TBL3: variants seen among roughly 807,000 people sequenced by gnomAD.
TBL3 encodes the protein transducin beta-like protein 3.
In TBL3, 71 loss-of-function variants were observed where a neutral mutation model predicts 102.7. That is an observed-to-expected ratio of 0.69 (90% CI 0.57 to 0.84). The LOEUF (loss-of-function observed/expected upper bound fraction) is 0.84, where lower values mean the gene tolerates loss of function less well. Ranked by LOEUF, TBL3 falls within the 40% of genes least tolerant of loss-of-function variation. The probability of loss-of-function intolerance (pLI) is 0.00; values close to 1 mark genes in which losing one functional copy is unlikely to be tolerated. For missense variants in TBL3, 1,188 were observed against 1,098.5 expected (o/e 1.08, Z -1.15); for synonymous variants, 578 against 477.7 (o/e 1.21, Z -2.74).
In TBL3 at chr16:1,975,140, G is replaced by C. The variant is rs760470763; in HGVS notation, c.635+42G>C. ...GGTAGGAGGGGGAGGCTTGGAAAGT[G>C]GGGGCTGAGGCTAAGACTTGACCTG... On this transcript the variant is annotated intron_variant, in intron 7 of 21. Transcript: ENST00000568546. 5.6e-6 allele frequency: 9 copies of C among 1,613,392 alleles called. No individual in the cohort carries two copies. The East Asian group carries it at 1.3e-4, about 24-fold the overall frequency.
rs570040455 is a variant in TBL3, at chr16:1,980,429, C to T, written c.*1744C>T. On this transcript the variant is annotated 3_prime_UTR_variant, in exon 22 of 22. Transcript: ENST00000568546. ...GCGGTGCGAAGAAGCCAGTGATCGT[C>T]GGGCTCCGTGCCACGCGCTCTGCAG... The T allele has an allele frequency of 7.5e-6, 12 of 1,602,570 alleles. No individual in the cohort carries two copies. The highest frequency in any genetic ancestry group is 1.7e-4 in the Middle Eastern group (1 of 5,980).
At position 1,976,851 on chromosome 16, in the gene TBL3, T is replaced by C. The variant is rs2083405958; in HGVS notation, c.1330T>C (p.Cys444Arg). 6.2e-7 allele frequency: 1 copy of C among 1,613,828 alleles called. No individual in the cohort carries two copies. Reference protein sequence around the residue: ...ESFLVTGSQDCTVKLWPLPKA... With the variant: ...ESFLVTGSQDRTVKLWPLPKA... ...CTTCCTGGTGACAGGCAGCCAGGAC[T>C]GCACTGTGAAGCTGTGGCCTCTTCC... is the stretch of plus-strand genomic sequence containing the variant. Residue 444 changes from cysteine (C) to arginine (R), a missense_variant, in exon 14 of 22, where the codon TGC (cysteine) becomes CGC (arginine). By Grantham distance (180) the Cys-to-Arg change is radical. Transcript: ENST00000568546.
rs2083402737 is a variant in TBL3, at chr16:1,976,450, C to A, written c.1292+136C>A. On this transcript the variant is annotated intron_variant, in intron 13 of 21. Transcript: ENST00000568546. ...GAGGCTCCAGCCCAAAGATGTGGAA[C>A]AGAACAGGACAGGAGAGTCCCTAGG... 4.0e-6 allele frequency: 3 copies of A among 749,382 alleles called. No homozygotes were observed. In the Admixed American group the frequency reaches 6.8e-5, roughly 17 times the overall value. 46.4% of individuals were successfully genotyped at this position (749,382 alleles called of 1,614,324 possible). A position where few individuals can be genotyped will look rare whatever the true frequency, so the allele number is the denominator to read the frequency against.
chr16:1,975,707 A>T lies in TBL3; in HGVS notation c.984A>T (p.Lys328Asn). 4 of 1,612,200 alleles carry T rather than the reference A, an allele frequency of 2.5e-6. No individual in the cohort carries two copies. The highest frequency in any genetic ancestry group is 2.5e-6 in the Non-Finnish European group (3 of 1,179,432). Reference sequence around the variant, plus strand: ...AGGCTCGCTCCCTGCGGCTGCAGAAACAGGTGCACACCTGCCCTTGCTCAG... The same window carrying T: ...AGGCTCGCTCCCTGCGGCTGCAGAATCAGGTGCACACCTGCCCTTGCTCAG... ...LYEARSLRLQ[K>N]QFAGYSEEVL... Residue 328 changes from lysine (K) to asparagine (N), a missense_variant, in exon 10 of 22, where the codon AAA (lysine) becomes AAT (asparagine). By Grantham distance (94) the Lys-to-Asn change is moderately conservative (BLOSUM62 0). Coordinates refer to ENST00000568546, the MANE Select transcript of TBL3 (RefSeq NM_006453.3).
Position 1,974,388 on chromosome 16 carries a change from G to T in TBL3, c.202G>T (p.Asp68Tyr), listed in dbSNP as rs184454078. The T allele has an allele frequency of 3.3e-4, 536 of 1,610,794 alleles. 4 individuals carry two copies. The East Asian group carries it at 9.5e-3, about 29-fold the overall frequency. ...CTCTTTCTCCTAGGAGGACCAGGAG[G>T]ACATCACTGCCTTTGACCTCAGCCC... ...LRSLEQEDQE[D>Y]ITAFDLSPDN... The change falls in exon 4 of 22, where the codon GAC (aspartate) becomes TAC (tyrosine). Residue 68 changes from aspartate to tyrosine, a missense_variant. Physicochemically the swap from Asp to Tyr is radical, Grantham distance 160. Transcript: ENST00000568546.
In TBL3 at chr16:1,972,315, G is replaced by C. The variant is rs115260840; in HGVS notation, c.41+110G>C. The C allele has an allele frequency of 2.9e-5, 34 of 1,169,214 alleles. No individual in the cohort carries two copies. In the East Asian group the frequency reaches 9.6e-4, roughly 33 times the overall value. 72.4% of individuals were successfully genotyped at this position (1,169,214 alleles called of 1,614,324 possible). A position where few individuals can be genotyped will look rare whatever the true frequency, so the allele number is the denominator to read the frequency against. ...TTGGGGTCCGTGGAGGCGAGAGGCT[G>C]TGTGTGCGCCGGCCCGCGGGGTCGC... On this transcript the variant is annotated intron_variant, in intron 1 of 21. Coordinates refer to ENST00000568546, the MANE Select transcript of TBL3 (RefSeq NM_006453.3).
rs1441649771 is a variant in TBL3, at chr16:1,981,540, G to A, written c.*2855G>A. 2 of 323,992 alleles carry A rather than the reference G, an allele frequency of 6.2e-6. No homozygotes were observed. The highest frequency in any genetic ancestry group is 4.2e-5 in the African/African-American group (2 of 47,684). The allele number at this position is 323,992 out of a possible 1,614,324, so 20.1% of individuals were successfully genotyped here. A position where few individuals can be genotyped will look rare whatever the true frequency, so the allele number is the denominator to read the frequency against. On this transcript the variant is annotated 3_prime_UTR_variant, in exon 22 of 22. Coordinates refer to ENST00000568546, the MANE Select transcript of TBL3 (RefSeq NM_006453.3). ...TGCCTGCCTCTGGCCACAGGAGGAG[G>A]GAGGAGAAGGCAGGGCTAATCAAAG...
intron 7 of TBL3, 40 bp downstream of exon 7, chr16:1,975,138 G>T: frequency 6.2e-7 from 1 of 1,613,396 alleles, no homozygotes. Flanking sequence ...GGCTTGGAAA[G>T]TGGGGGCTGA....
chr16:1,973,353 C>T (rs934033001), intron 1 of TBL3, among the ~76,000 whole-genome samples: 1 of 152,148 alleles, frequency 6.6e-6, no homozygotes, highest in African/African-American at 2.4e-5. Context: ...TGGCGTGAAC[C>T]CGGGAGGTGG....
Position 1,974,783 on chromosome 16 carries a change from C to A in TBL3, c.400C>A (p.Arg134Ser). The change falls in exon 6 of 22, where the codon CGC becomes AGC. Residue 134 changes from arginine (R) to serine (S), a missense_variant. By Grantham distance (110) the Arg-to-Ser change is moderately radical. Coordinates refer to ENST00000568546, the MANE Select transcript of TBL3 (RefSeq NM_006453.3). ...LATGGCDGAVRVWDIVRHYGT... is the reference protein window; with the variant it reads ...LATGGCDGAVSVWDIVRHYGT... Reference sequence around the variant, plus strand: ...CGCAGGTGGCTGTGATGGGGCCGTGCGCGTCTGGGACATCGTGCGGCACTA... The same window carrying A: ...CGCAGGTGGCTGTGATGGGGCCGTGAGCGTCTGGGACATCGTGCGGCACTA... The A allele has an allele frequency of 6.2e-7, 1 of 1,612,972 alleles. No homozygotes were observed. Among genetic ancestry groups the A allele is most frequent in the East Asian group, 2.2e-5 (1 of 44,880 alleles).
In TBL3 at chr16:1,980,500, C is replaced by T; in HGVS notation, c.*1815C>T. ...TAGGTTTCCAACAGCTGCAGGCGCG[C>T]CAGGCCGCGGCTCGTGCGCCCCACG... On this transcript the variant is annotated 3_prime_UTR_variant, in exon 22 of 22. Transcript: ENST00000568546. 1 of 1,603,138 alleles carries T rather than the reference C, an allele frequency of 6.2e-7. No individual in the cohort carries two copies. The highest frequency in any genetic ancestry group is 2.2e-5 in the East Asian group (1 of 44,852).
At position 1,979,760 on chromosome 16, in the gene TBL3, G is replaced by A; in HGVS notation, c.*1075G>A. ...CTTGCCACACGGTCAAGCCGCAGTG[G>A]TGGCGTGAGGGGTGGGGTTAGGCGC... On this transcript the variant is annotated 3_prime_UTR_variant, in exon 22 of 22. Coordinates refer to ENST00000568546, the MANE Select transcript of TBL3 (RefSeq NM_006453.3). The A allele has an allele frequency of 6.9e-7, 1 of 1,459,838 alleles. No individual in the cohort carries two copies. Among genetic ancestry groups the A allele is most frequent in the Non-Finnish European group, 9.2e-7 (1 of 1,087,646 alleles). The allele number at this position is 1,459,838 out of a possible 1,614,324, so 90.4% of individuals were successfully genotyped here. A position where few individuals can be genotyped will look rare whatever the true frequency, so the allele number is the denominator to read the frequency against.
intron 13 of TBL3, 29 bp from the exon 14 acceptor site, chr16:1,976,785 G>A (rs2083405577): frequency 1.9e-6 from 3 of 1,611,008 alleles, no homozygotes; most frequent in African/African-American, 1.3e-5. Flanking sequence ...GGGCTCAGCT[G>A]TGTCTCCTCC....
intron 18 of TBL3, 62 bp from the exon 19 acceptor site, chr16:1,977,896 C>T (rs980056284): frequency 7.5e-6 from 12 of 1,594,506 alleles, no homozygotes; most frequent in South Asian, 4.5e-5. Flanking sequence ...CTGCTGACTC[C>T]GATGGCTCTG....
chr16:1,974,874 C>T (rs762190372), intron 6 of TBL3, 27 bp downstream of exon 6: 9 of 1,612,740 alleles, frequency 5.6e-6, no homozygotes, highest in African/African-American at 1.3e-5. Flanking sequence ...AGGGGGAGGG[C>T]AGAGGCACCA....
rs1294807615 is a variant in TBL3 at position 1,975,879 on chromosome 16, C to T, written c.1059C>T (p.Ala353=). Residue 353 remains alanine, a synonymous_variant, in exon 11 of 22, where the codon GCC becomes GCT. Transcript: ENST00000568546. ...CCGAGGACTCCCACGTTGTCGTGGC[C>T]TCCAATAGCCCCTGCCTAAAAGTGT... The part of the protein sequence containing the change: ...LGPEDSHVVV[A]SNSPCLKVFE... The T allele has an allele frequency of 6.2e-7, 1 of 1,614,024 alleles. No individual in the cohort carries two copies. The highest frequency in any genetic ancestry group is 1.3e-5 in the African/African-American group (1 of 74,946).
Position 1,981,472 on chromosome 16 carries a change from A to T in TBL3, c.*2787A>T, listed in dbSNP as rs2083509336. The stretch of plus-strand genomic sequence containing the variant: ...CAGCCCTGGAGGCGTGCAAGACTGA[A>T]GAAGGGGCGAAGGGTAGGCGGGACT... On this transcript the variant is annotated 3_prime_UTR_variant, in exon 22 of 22. Coordinates refer to ENST00000568546, the MANE Select transcript of TBL3 (RefSeq NM_006453.3). 1.7e-6 allele frequency: 1 copy of T among 580,088 alleles called. No homozygotes were observed. The highest frequency in any genetic ancestry group is 3.5e-5 in the Admixed American group (1 of 28,762). 35.9% of individuals were successfully genotyped at this position (580,088 alleles called of 1,614,324 possible). A position where few individuals can be genotyped will look rare whatever the true frequency, so the allele number is the denominator to read the frequency against.
Position 1,978,821 on chromosome 16 carries a change from G to T in TBL3, c.*136G>T. On this transcript the variant is annotated 3_prime_UTR_variant, in exon 22 of 22. Coordinates refer to ENST00000568546, the MANE Select transcript of TBL3 (RefSeq NM_006453.3). Reference sequence around the variant, plus strand: ...ACACCCTACCTAGCCAGCCAGAAGGGCACTGGAGCTGATGGTCTCGGCCCT... The same window carrying T: ...ACACCCTACCTAGCCAGCCAGAAGGTCACTGGAGCTGATGGTCTCGGCCCT... The T allele has an allele frequency of 7.9e-7, 1 of 1,270,332 alleles. No homozygotes were observed. Among genetic ancestry groups the T allele is most frequent in the Non-Finnish European group, 1.1e-6 (1 of 921,208 alleles). The allele number at this position is 1,270,332 out of a possible 1,614,324, so 78.7% of individuals were successfully genotyped here.
At position 1,976,061 on chromosome 16, in the gene TBL3, G is replaced by A. The variant is rs757558766; in HGVS notation, c.1135G>A (p.Val379Ile). ...ACCTCCCCACAACATCTCAGATATC[G>A]TCCTGGCCCTGGATGTGTTCCGGAA... Reference protein sequence around the residue: ...CQILHGHTDIVLALDVFRKGW... With the variant: ...CQILHGHTDIILALDVFRKGW... Residue 379 changes from valine to isoleucine, a missense_variant, in exon 12 of 22, where the codon GTC becomes ATC. Physicochemically the swap from Val to Ile is conservative, Grantham distance 29. Coordinates refer to ENST00000568546, the MANE Select transcript of TBL3 (RefSeq NM_006453.3). 8 of 1,614,026 alleles carry A rather than the reference G, an allele frequency of 5.0e-6. No individual in the cohort carries two copies. The highest frequency in any genetic ancestry group is 4.5e-5 in the East Asian group (2 of 44,894).
Sources: gnomAD v4.1 joint callset for allele counts (sites outside exome capture counted in the v4.1 genomes callset) on GRCh38, gnomAD v4.1.1 for gene constraint, MANE v1.5 for transcripts, NCBI Gene and HGNC (gene_info 2026-07-23, HGNC 2026-07-21) for gene names.